PTBP2: variants seen among roughly 807,000 people sequenced by gnomAD.
PTBP2 encodes the protein polypyrimidine tract-binding protein 2.
Under a neutral mutation model 61.4 loss-of-function variants are expected in PTBP2, and 13 were observed. That is an observed-to-expected ratio of 0.21 (90% CI 0.14 to 0.34). The LOEUF is 0.34. Among genes scored for constraint, PTBP2 ranks in the 10% least tolerant of loss-of-function variants. The probability of loss-of-function intolerance (pLI) is 1.00; values close to 1 mark genes in which losing one functional copy is unlikely to be tolerated. For missense variants in PTBP2, 405 were observed against 642.6 expected (o/e 0.63, Z 4.00); for synonymous variants, 215 against 218.5 (o/e 0.98, Z 0.14).
At chr1:96,778,491 G>A (rs1451577678) in intron 7 of PTBP2, among the ~76,000 whole-genome samples, 2 of 151,938 alleles carry the variant, frequency 1.3e-5, no homozygotes, top group Non-Finnish European at 2.9e-5. Flanking sequence ...ATTGAGAGAT[G>A]TAAAATTTCC....
downstream of PTBP2, chr1:96,817,935 C>G (rs1018798850): frequency 6.6e-6 from 1 of 151,906 alleles, no homozygotes; most frequent in Non-Finnish European, 1.5e-5. Context: ...TGATAATTCC[C>G]CTATCAAATC....
chr1:96,818,131 T>C (rs149539758), downstream of PTBP2: 1 of 152,212 alleles, frequency 6.6e-6, no homozygotes, highest in East Asian at 1.9e-4. Context: ...CCACCCGTTT[T>C]GCACTTCTCT....
Position 96,721,807 on chromosome 1 carries a change from T to C in PTBP2, c.-58T>C, listed in dbSNP as rs1649585474. The stretch of plus-strand genomic sequence containing the variant: ...CCAGCCGCCATTTTCTCGCCGCTTG[T>C]GTGGCTCGCTGGCTGCGTGGCTCGG... On this transcript the variant is annotated 5_prime_UTR_variant, in exon 1 of 14. Transcript: ENST00000674951. 3 of 1,551,156 alleles carry C rather than the reference T, an allele frequency of 1.9e-6. No homozygotes were observed. Among genetic ancestry groups the C allele is most frequent in the Non-Finnish European group, 1.7e-6 (2 of 1,146,416 alleles).
chr1:96,744,180 CGCCACTGCACTCCA>C (rs1466534616), intron 2 of PTBP2, among the ~76,000 whole-genome samples: 5 of 151,994 alleles, frequency 3.3e-5, no homozygotes, highest in African/African-American at 1.2e-4. Flanking sequence ...GCCGAGATTG[CGCCACTGCACTCCA>C]GCCTGGGCAA....
At chr1:96,803,656 C>A (rs1444532062) in intron 8 of PTBP2, among the ~76,000 whole-genome samples, 1 of 152,002 alleles carries the variant, frequency 6.6e-6, no homozygotes, top group Non-Finnish European at 1.5e-5. Flanking sequence ...TCTATAAAGT[C>A]AAAAGATCAA....
At chr1:96,756,012 T>G (rs976188364) in intron 3 of PTBP2, among the ~76,000 whole-genome samples, 1 of 152,210 alleles carries the variant, frequency 6.6e-6, no homozygotes. Flanking sequence ...CACCAAATGC[T>G]GGCAAGGATG....
At chr1:96,726,074 CAAAAAAAAAAAAAAAAAA>C (rs762152365) in intron 2 of PTBP2, among the ~76,000 whole-genome samples, 54 of 54,216 alleles carry the variant, frequency 1.0e-3, no homozygotes, top group Non-Finnish European at 1.3e-3. Flanking sequence ...GACTCTATCT[CAAAAAAAAAAAAAAAAAA>C]AAAAAAAAAA....
In PTBP2 at chr1:96,804,958, A is replaced by T; in HGVS notation, c.1044+19A>T. On this transcript the variant is annotated intron_variant, in intron 9 of 13. Transcript: ENST00000674951. ...TGAAGAGGTTAGTAAAATAATCTCT[A>T]ATGTTTATTCTTTAACTCCATTTCA... The T allele has an allele frequency of 6.5e-7, 1 of 1,533,830 alleles. No homozygotes were observed. Among genetic ancestry groups the T allele is most frequent in the Non-Finnish European group, 8.8e-7 (1 of 1,134,022 alleles).
Position 96,813,419 on chromosome 1 carries a change from A to C in PTBP2, c.*14A>C, listed in dbSNP as rs773381684. 64 of 1,575,150 alleles carry C rather than the reference A, an allele frequency of 4.1e-5. No homozygotes were observed. Among genetic ancestry groups the C allele is most frequent in the Non-Finnish European group, 4.9e-5 (57 of 1,158,984 alleles). On this transcript the variant is annotated 3_prime_UTR_variant, in exon 14 of 14. Transcript: ENST00000674951. The stretch of plus-strand genomic sequence containing the variant: ...TCAACAATTTAAAAATGGGAAGATG[A>C]AGATTGGGGGTGAATCACATTGTTC...
chr1:96,791,835 T>TTTTTTTG (rs1659855843), intron 8 of PTBP2, among the ~76,000 whole-genome samples: 1 of 30,514 alleles, frequency 3.3e-5, no homozygotes, highest in South Asian at 1.4e-3. Context: ...GCTTTTTTTT[T>TTTTTTTG]TTTTTTTTTT....
intron 3 of PTBP2, among the ~76,000 whole-genome samples, chr1:96,763,170 C>T (rs954156078): frequency 7.2e-5 from 11 of 152,220 alleles, no homozygotes; most frequent in East Asian, 2.0e-4. Context: ...ACTTCCCAAA[C>T]GGGGTGGCGG....
chr1:96,791,334 T>G (rs1181369002), intron 8 of PTBP2, among the ~76,000 whole-genome samples: 3 of 152,156 alleles, frequency 2.0e-5, no homozygotes, highest in African/African-American at 2.4e-5. Context: ...TTCTTTACTT[T>G]TGTGTGTGTG....
At chr1:96,766,826 C>T (rs1220618124) in intron 3 of PTBP2, among the ~76,000 whole-genome samples, 1 of 151,982 alleles carries the variant, frequency 6.6e-6, no homozygotes, top group Non-Finnish European at 1.5e-5. Context: ...TTTTAGGCAA[C>T]CTGTATGTAA....
chr1:96,733,824 C>T (rs542272020), intron 2 of PTBP2, among the ~76,000 whole-genome samples: 6 of 152,190 alleles, frequency 3.9e-5, no homozygotes, highest in Non-Finnish European at 8.8e-5. Flanking sequence ...CCAACTCGTC[C>T]TCTTCCTCCT....
chr1:96,804,508 TG>T (rs1204043287), intron 8 of PTBP2, among the ~76,000 whole-genome samples: 1 of 152,212 alleles, frequency 6.6e-6, no homozygotes, highest in Non-Finnish European at 1.5e-5. Flanking sequence ...ATATTTTTCA[TG>T]CTTTGTTTGC....
At chr1:96,781,132 C>T (rs1473985769) in intron 7 of PTBP2, among the ~76,000 whole-genome samples, 1 of 151,982 alleles carries the variant, frequency 6.6e-6, no homozygotes, top group Non-Finnish European at 1.5e-5. Flanking sequence ...ACACAGACTT[C>T]TTATATTCAT....
At chr1:96,777,037 T>C (rs1658117781) in intron 5 of PTBP2, among the ~76,000 whole-genome samples, 1 of 152,090 alleles carries the variant, frequency 6.6e-6, no homozygotes, top group Non-Finnish European at 1.5e-5. Context: ...TTTTGTGGTT[T>C]TGGACTAGAC....
chr1:96,799,546 A>G (rs1660769147), intron 8 of PTBP2, among the ~76,000 whole-genome samples: 1 of 151,854 alleles, frequency 6.6e-6, no homozygotes, highest in Non-Finnish European at 1.5e-5. Context: ...TAGATCAAGT[A>G]TTTTTATCCC....
downstream of PTBP2, chr1:96,818,940 C>T (rs10875035): frequency 6.6e-6 from 1 of 151,640 alleles, no homozygotes; most frequent in African/African-American, 2.4e-5. Context: ...ATGTATAATA[C>T]TGATCAAAAG....
Sources: gnomAD v4.1 joint callset for allele counts (sites outside exome capture counted in the v4.1 genomes callset) on GRCh38, gnomAD v4.1.1 for gene constraint, MANE v1.5 for transcripts, NCBI Gene and HGNC (gene_info 2026-07-23, HGNC 2026-07-21) for gene names.